The following NAA11 variants were observed in gnomAD, a reference collection of about 807,000 sequenced individuals.
NAA11 encodes N-alpha-acetyltransferase 11, NatA catalytic subunit, also known as N-alpha-acetyltransferase 11.
A neutral mutation model predicts 16.1 loss-of-function variants in NAA11; 15 were observed. That is an observed-to-expected ratio of 0.93 (90% CI 0.62 to 1.44). The LOEUF (loss-of-function observed/expected upper bound fraction) is 1.44. Ranked by LOEUF, NAA11 falls within the 40% of genes most tolerant of loss-of-function variation. The pLI, the probability that NAA11 is intolerant of heterozygous loss-of-function variation, is 0.00. For synonymous variants in NAA11, 122 were observed against 112.4 expected (o/e 1.09, Z -0.54); for missense variants, 298 against 291.3 (o/e 1.02, Z -0.17).
chr4:79,194,451 A>C, the NAA11 span, among the ~76,000 whole-genome samples: 1 of 152,212 alleles, frequency 6.6e-6, no homozygotes, highest in African/African-American at 2.4e-5. Context: ...TTGAAGGTGA[A>C]GTGTGGGTCT....
chr4:79,274,276 A>G (rs968110806), intron 2 of NAA11, among the ~76,000 whole-genome samples: 2 of 152,066 alleles, frequency 1.3e-5, no homozygotes, highest in African/African-American at 4.8e-5. Flanking sequence ...TGGCAATTCT[A>G]CACTGCATTA....
chr4:79,159,501 A>G, the NAA11 span, among the ~76,000 whole-genome samples: 1 of 152,212 alleles, frequency 6.6e-6, no homozygotes. Context: ...AAACATCACT[A>G]TTTTAAAGTA....
chr4:79,184,499 T>C, the NAA11 span, among the ~76,000 whole-genome samples: 1 of 152,200 alleles, frequency 6.6e-6, no homozygotes, highest in East Asian at 1.9e-4. Context: ...GAACTTCTGA[T>C]TCGGTTTGTT....
intron 2 of NAA11, among the ~76,000 whole-genome samples, chr4:79,262,594 C>T (rs1432733242): frequency 6.6e-6 from 1 of 152,128 alleles, no homozygotes; most frequent in Non-Finnish European, 1.5e-5. Flanking sequence ...CTCAGTCCTG[C>T]ATTCTTTCTT....
At chr4:79,314,151 C>A (rs147075184), downstream of NAA11, among the ~76,000 whole-genome samples, 3 of 152,160 alleles carry the variant, frequency 2.0e-5, no homozygotes, top group African/African-American at 7.2e-5. Flanking sequence ...GTCGAATGTT[C>A]ACACGTACTT....
the NAA11 span, among the ~76,000 whole-genome samples, chr4:79,168,312 A>ACAGTG: frequency 6.6e-6 from 1 of 152,136 alleles, no homozygotes; most frequent in Non-Finnish European, 1.5e-5. Context: ...GCTATTGTGA[A>ACAGTG]CAGTGCCACA....
At chr4:79,240,477 T>A (rs773115343) in intron 2 of NAA11, among the ~76,000 whole-genome samples, 1 of 152,172 alleles carries the variant, frequency 6.6e-6, no homozygotes, top group African/African-American at 2.4e-5. Flanking sequence ...AAGGGTAGGA[T>A]TGGCAATGTT....
At chr4:79,213,832 C>A in the NAA11 span, among the ~76,000 whole-genome samples, 1 of 152,146 alleles carries the variant, frequency 6.6e-6, no homozygotes, top group Non-Finnish European at 1.5e-5. Context: ...AATTGCTCAC[C>A]TTCACAGAAA....
At chr4:79,169,522 A>G in the NAA11 span, among the ~76,000 whole-genome samples, 3 of 152,342 alleles carry the variant, frequency 2.0e-5, no homozygotes, top group East Asian at 5.8e-4. Context: ...TCCCTATTTA[A>G]TAAATGTTGT....
chr4:79,209,505 C>A, the NAA11 span, among the ~76,000 whole-genome samples: 17 of 152,094 alleles, frequency 1.1e-4, no homozygotes, highest in Admixed American at 1.1e-3. Context: ...GAACACCCAA[C>A]CCAACTCCCC....
At chr4:79,245,732 G>A (rs995252049) in intron 2 of NAA11, among the ~76,000 whole-genome samples, 5 of 150,680 alleles carry the variant, frequency 3.3e-5, no homozygotes, top group Non-Finnish European at 4.4e-5. Context: ...GGTTGGGGGC[G>A]CCCCCGCCCG....
intron 2 of NAA11, among the ~76,000 whole-genome samples, chr4:79,245,793 C>G (rs531567047): frequency 6.6e-6 from 1 of 151,676 alleles, no homozygotes; most frequent in African/African-American, 2.4e-5. Context: ...AGCCGCCCGT[C>G]TGGGGGGTGA....
chr4:79,259,199 CA>C (rs900332961), intron 2 of NAA11, among the ~76,000 whole-genome samples: 1 of 152,122 alleles, frequency 6.6e-6, no homozygotes, highest in Non-Finnish European at 1.5e-5. Flanking sequence ...GTGACACAAG[CA>C]GGTGAAGAGG....
downstream of NAA11, among the ~76,000 whole-genome samples, chr4:79,313,333 A>T (rs971498964): frequency 6.6e-6 from 1 of 152,230 alleles, no homozygotes; most frequent in African/African-American, 2.4e-5. Context: ...TGTAAATGAG[A>T]AAACTGATGT....
chr4:79,264,130 TA>T (rs1270714854), intron 2 of NAA11, among the ~76,000 whole-genome samples: 1 of 152,218 alleles, frequency 6.6e-6, no homozygotes, highest in South Asian at 2.1e-4. Context: ...AGATCAGCAC[TA>T]AAGTACAACC....
chr4:79,255,072 C>T (rs1265280336), intron 2 of NAA11, among the ~76,000 whole-genome samples: 2 of 152,070 alleles, frequency 1.3e-5, no homozygotes, highest in Non-Finnish European at 2.9e-5. Flanking sequence ...ACACAAAATA[C>T]TACATGCTGT....
rs537102408 is a variant in NAA11 at position 79,307,632 on chromosome 4, TAG to T, written c.*13-13520_*13-13519del. On this transcript the variant is annotated intron_variant and NMD_transcript_variant, in intron 1 of 2. Coordinates refer to the NAA11 transcript ENST00000511542. ...AATGAGACGAAGGTAAAACAAATGG[TAG>T]AGACACATAAAACCTGACAGAGCTG... 2.0e-3 allele frequency among the ~76,000 whole-genome samples: 308 copies of T among 152,178 alleles called. 2 individuals carry two copies. Among genetic ancestry groups the T allele is most frequent in the Admixed American group, 0.017 (262 of 15,280 alleles).
chr4:79,201,734 A>C, the NAA11 span, among the ~76,000 whole-genome samples: 1 of 151,732 alleles, frequency 6.6e-6, no homozygotes, highest in Non-Finnish European at 1.5e-5. Flanking sequence ...GTTCTCTAAA[A>C]TATTACTGTG....
chr4:79,322,844 T>C (rs1724138071), intron 1 of NAA11, among the ~76,000 whole-genome samples: 1 of 152,178 alleles, frequency 6.6e-6, no homozygotes, highest in African/African-American at 2.4e-5. Context: ...AAAAGTCAGA[T>C]GCAAAATCTC....
Sources: gnomAD v4.1 joint callset for allele counts (sites outside exome capture counted in the v4.1 genomes callset) on GRCh38, gnomAD v4.1.1 for gene constraint, MANE v1.5 for transcripts, NCBI Gene and HGNC (gene_info 2026-07-23, HGNC 2026-07-21) for gene names.